FRMD4A: variants seen among roughly 807,000 people sequenced by gnomAD.
FRMD4A encodes the protein FERM domain containing 4A.
Under a neutral mutation model 129.1 loss-of-function variants are expected in FRMD4A, and 29 were observed. The observed-to-expected ratio is 0.22, with a 90% CI of 0.17 to 0.31. The LOEUF (loss-of-function observed/expected upper bound fraction) is 0.31. Among genes scored for constraint, FRMD4A ranks in the 10% least tolerant of loss-of-function variants. FRMD4A has a pLI of 1.00. For missense variants in FRMD4A, 1,272 were observed against 1,375.8 expected (o/e 0.92, Z 1.19); for synonymous variants, 634 against 571.6 (o/e 1.11, Z -1.56).
intron 4 of FRMD4A, among the ~76,000 whole-genome samples, chr10:13,808,499 A>G (rs920958084): frequency 6.6e-6 from 1 of 152,220 alleles, no homozygotes; most frequent in South Asian, 2.1e-4. Context: ...ACTATTTTGC[A>G]GGGGCAGCTT....
chr10:14,072,660 A>C (rs1013891762), intron 2 of FRMD4A, among the ~76,000 whole-genome samples: 3 of 152,194 alleles, frequency 2.0e-5, no homozygotes, highest in African/African-American at 7.2e-5. Flanking sequence ...ACAAAGGACC[A>C]TTTATCAGTT....
At chr10:13,689,543 A>ATT (rs1202143417) in intron 15 of FRMD4A, among the ~76,000 whole-genome samples, 7 of 96,842 alleles carry the variant, frequency 7.2e-5, no homozygotes, top group African/African-American at 3.1e-4. Context: ...CATAGATTAG[A>ATT]AGATTCTTTT....
chr10:13,841,236 G>A (rs1285188447), intron 3 of FRMD4A, among the ~76,000 whole-genome samples: 2 of 152,308 alleles, frequency 1.3e-5, no homozygotes, highest in East Asian at 3.9e-4. Context: ...GATTCTGGAT[G>A]CCTGCACCAT....
chr10:14,050,363 G>A (rs757693636), intron 2 of FRMD4A, among the ~76,000 whole-genome samples: 3 of 152,182 alleles, frequency 2.0e-5, no homozygotes, highest in Non-Finnish European at 2.9e-5. Flanking sequence ...TAAAACTGAG[G>A]CTTAGAGCTG....
rs138082401 is a variant in FRMD4A, at chr10:13,999,140, T to C, written c.46-140228A>G. 1.4e-3 allele frequency among the ~76,000 whole-genome samples: 210 copies of C among 152,212 alleles called. 1 individual carries two copies. Among genetic ancestry groups the C allele is most frequent in the Non-Finnish European group, 1.6e-3 (110 of 68,012 alleles). On this transcript the variant is annotated intron_variant, in intron 2 of 24. Transcript: ENST00000357447. ...GTGGGATGTTCTTTCCCCACATGGC[T>C]GTGTGGCTTGCTCCCATCTCCCTCC...
intron 2 of FRMD4A, among the ~76,000 whole-genome samples, chr10:14,133,328 G>A (rs955140707): frequency 2.6e-5 from 4 of 152,188 alleles, no homozygotes; most frequent in East Asian, 1.9e-4. Context: ...GCACCAAAGC[G>A]ATGTTGAGAA....
intron 2 of FRMD4A, among the ~76,000 whole-genome samples, chr10:14,117,600 A>G (rs902132128): frequency 2.0e-5 from 3 of 152,236 alleles, no homozygotes; most frequent in Non-Finnish European, 4.4e-5. Context: ...AAATGGCAGC[A>G]TTGCTAGGTG....
At chr10:14,067,209 G>A (rs1203191863) in intron 2 of FRMD4A, among the ~76,000 whole-genome samples, 2 of 151,868 alleles carry the variant, frequency 1.3e-5, no homozygotes, top group Non-Finnish European at 2.9e-5. Context: ...CAAGCTACTC[G>A]GGAGGCTGAG....
chr10:14,315,098 C>T (rs1455547336), intron 2 of FRMD4A, among the ~76,000 whole-genome samples: 2 of 151,966 alleles, frequency 1.3e-5, no homozygotes, highest in Non-Finnish European at 2.9e-5. Flanking sequence ...CTGTTCCTTT[C>T]TTTGCCTTTT....
intron 2 of FRMD4A, among the ~76,000 whole-genome samples, chr10:14,078,357 C>T (rs1440713983): frequency 1.3e-5 from 2 of 152,336 alleles, no homozygotes; most frequent in African/African-American, 2.4e-5. Context: ...CATTGACACT[C>T]TCCTGGCAAC....
chr10:13,933,270 G>A (rs994531473), intron 2 of FRMD4A, among the ~76,000 whole-genome samples: 4 of 141,886 alleles, frequency 2.8e-5, no homozygotes, highest in African/African-American at 5.0e-5. Flanking sequence ...GGTGTACACC[G>A]AGTAAATGAC....
At chr10:13,795,026 A>G (rs906568500) in intron 5 of FRMD4A, among the ~76,000 whole-genome samples, 19 of 152,216 alleles carry the variant, frequency 1.2e-4, no homozygotes, top group Admixed American at 7.9e-4. Flanking sequence ...TAATTCAGAC[A>G]CTTGGAAAAA....
intron 2 of FRMD4A, among the ~76,000 whole-genome samples, chr10:14,050,461 A>C (rs1235015569): frequency 6.6e-6 from 1 of 152,206 alleles, no homozygotes; most frequent in African/African-American, 2.4e-5. Flanking sequence ...ATAATAAAAA[A>C]TAAATATTTG....
intron 12 of FRMD4A, among the ~76,000 whole-genome samples, chr10:13,725,458 C>G (rs117772742): frequency 3.3e-5 from 5 of 152,238 alleles, no homozygotes; most frequent in African/African-American, 1.2e-4. Flanking sequence ...TTACATTCCT[C>G]CCCTCCTGTG....
intron 3 of FRMD4A, among the ~76,000 whole-genome samples, chr10:13,815,778 A>G (rs1368260349): frequency 1.3e-5 from 2 of 152,190 alleles, no homozygotes; most frequent in African/African-American, 4.8e-5. Context: ...AGTACTTTCA[A>G]CCTGGTTAAT....
At chr10:14,124,328 T>A (rs1451858205) in intron 2 of FRMD4A, among the ~76,000 whole-genome samples, 1 of 152,188 alleles carries the variant, frequency 6.6e-6, no homozygotes, top group Non-Finnish European at 1.5e-5. Flanking sequence ...GCAGCAGCCC[T>A]GCAGGATACC....
chr10:13,677,712 C>T (rs972030498), intron 15 of FRMD4A, among the ~76,000 whole-genome samples: 1 of 152,222 alleles, frequency 6.6e-6, no homozygotes, highest in African/African-American at 2.4e-5. Flanking sequence ...GGTTACATGG[C>T]TAAATCATTG....
At chr10:13,698,277 A>G (rs7910056) in intron 14 of FRMD4A, among the ~76,000 whole-genome samples, 55,749 of 151,880 alleles carry the variant, frequency 0.37, 10,728 homozygotes, top group African/African-American at 0.49. Context: ...ATCATTTGGG[A>G]GGCCTGGGCT....
intron 16 of FRMD4A, among the ~76,000 whole-genome samples, chr10:13,674,407 C>T (rs965912559): frequency 5.3e-5 from 8 of 152,128 alleles, no homozygotes; most frequent in Non-Finnish European, 7.4e-5. Flanking sequence ...CGCTTGGACT[C>T]CCATGGGGTC....
Sources: gnomAD v4.1 joint callset for allele counts (sites outside exome capture counted in the v4.1 genomes callset) on GRCh38, gnomAD v4.1.1 for gene constraint, MANE v1.5 for transcripts, NCBI Gene and HGNC (gene_info 2026-07-23, HGNC 2026-07-21) for gene names.